LSM1: variants seen among roughly 807,000 people sequenced by gnomAD.
The protein encoded by LSM1 is LSM1 homolog, mRNA degradation associated, also known as U6 snRNA-associated Sm-like protein LSm1.
LSM1 carries 13 observed loss-of-function variants against 18.0 expected under a neutral mutation model. The ratio of observed to expected loss-of-function variants is 0.72; its 90% CI spans 0.47 to 1.15. The LOEUF (loss-of-function observed/expected upper bound fraction) is 1.15. Ranked by LOEUF, LSM1 falls within the 50% of genes most tolerant of loss-of-function variation. The pLI is 0.00. For missense variants in LSM1, 152 were observed against 157.7 expected, an observed-to-expected ratio of 0.96 and a Z score of 0.19; for synonymous variants, 46 against 56.0, an observed-to-expected ratio of 0.82 and a Z score of 0.80.
rs1214372083 is a variant in LSM1, at chr8:38,176,414, C to G, written c.-94G>C. The G allele has an allele frequency of 2.0e-6, 2 of 1,015,116 alleles. No homozygotes were observed. The highest frequency in any genetic ancestry group is 2.1e-5 in the Admixed American group (1 of 48,412). The allele number at this position is 1,015,116 out of a possible 1,614,324, so 62.9% of individuals were successfully genotyped here. ...ACCGCAGTCGCCGCCTCGGTGGGAC[C>G]AAGCCCGGAATCCCGACCGAGACCA... On this transcript the variant is annotated 5_prime_UTR_variant, in exon 1 of 4. Transcript: ENST00000311351.
intron 2 of LSM1, chr8:38,171,063 C>T (rs558854514): frequency 2.0e-4 from 83 of 406,574 alleles, no homozygotes; most frequent in South Asian, 2.8e-4. Flanking sequence ...ATGCAGGATG[C>T]GAAACAAAGA....
chr8:38,174,279 G>C (rs1803079672), intron 1 of LSM1, among the ~76,000 whole-genome samples: 1 of 152,056 alleles, frequency 6.6e-6, no homozygotes, highest in Non-Finnish European at 1.5e-5. Flanking sequence ...CAGGGGTTGG[G>C]GAGACAGAGG....
chr8:38,173,527 G>A (rs1749336748), intron 1 of LSM1, among the ~76,000 whole-genome samples: 2 of 152,174 alleles, frequency 1.3e-5, no homozygotes, highest in South Asian at 2.1e-4. Context: ...TGACTTCATA[G>A]GGAACAAGAA....
chr8:38,171,026 G>A (rs1315681004), intron 2 of LSM1: 2 of 430,374 alleles, frequency 4.6e-6, no homozygotes, highest in South Asian at 1.6e-5. Context: ...GAAACAGAAG[G>A]AAACATAATC....
chr8:38,168,017 A>C lies in LSM1; in HGVS notation c.231+1785T>G, dbSNP rs551833477. ...TGCTCTGTCGCCCAGGCTGGAGTGC[A>C]CTGGCACGATCTCGACTCACTGCAA... On this transcript the variant is annotated intron_variant, in intron 3 of 3. Transcript: ENST00000311351. 1.3e-3 allele frequency among the ~76,000 whole-genome samples: 199 copies of C among 150,674 alleles called. 1 individual carries two copies. Among genetic ancestry groups the C allele is most frequent in the African/African-American group, 4.6e-3 (188 of 40,970 alleles).
At chr8:38,171,317 T>C (rs1438366303) in intron 2 of LSM1, among the ~76,000 whole-genome samples, 1 of 152,104 alleles carries the variant, frequency 6.6e-6, no homozygotes, top group East Asian at 1.9e-4. Flanking sequence ...CTTCCAGCTG[T>C]CCCCACTGAT....
intron 3 of LSM1, among the ~76,000 whole-genome samples, chr8:38,169,429 A>G (rs941701987): frequency 6.6e-6 from 1 of 152,228 alleles, no homozygotes; most frequent in Non-Finnish European, 1.5e-5. Context: ...TAATATGGAT[A>G]TCACATTGTA....
chr8:38,165,284 C>T (rs926538708), intron 3 of LSM1, among the ~76,000 whole-genome samples: 1 of 151,830 alleles, frequency 6.6e-6, no homozygotes, highest in Non-Finnish European at 1.5e-5. Flanking sequence ...ACCTGGGAGG[C>T]GGAGGTTGCA....
At chr8:38,174,272 G>C (rs1563276135) in intron 1 of LSM1, among the ~76,000 whole-genome samples, 1 of 152,088 alleles carries the variant, frequency 6.6e-6, no homozygotes, top group Non-Finnish European at 1.5e-5. Context: ...AAGAACGCAG[G>C]GGTTGGGGAG....
At chr8:38,176,022 T>G (rs1031443441) in intron 1 of LSM1, 12 of 410,788 alleles carry the variant, frequency 2.9e-5, no homozygotes, top group African/African-American at 2.3e-4. Flanking sequence ...GAAGCAAGAA[T>G]GAGTTCCATC....
At chr8:38,167,243 T>G (rs1208142874) in intron 3 of LSM1, among the ~76,000 whole-genome samples, 1 of 152,254 alleles carries the variant, frequency 6.6e-6, no homozygotes, top group African/African-American at 2.4e-5. Context: ...CACCTCTTTC[T>G]CTGCACAAAC....
At chr8:38,176,610 A>G (rs150735540), upstream of LSM1, 498 of 565,252 alleles carry the variant, frequency 8.8e-4, 2 homozygotes, top group African/African-American at 8.6e-3. Flanking sequence ...ACTCCATTGG[A>G]TAAATGGCGA....
At chr8:38,166,300 T>C (rs1344756008) in intron 3 of LSM1, among the ~76,000 whole-genome samples, 1 of 152,164 alleles carries the variant, frequency 6.6e-6, no homozygotes, top group East Asian at 1.9e-4. Flanking sequence ...TTTTTCTTTT[T>C]GTAGAGATGG....
Position 38,176,365 on chromosome 8 carries a change from C to A in LSM1, c.-45G>T, listed in dbSNP as rs758874491. On this transcript the variant is annotated 5_prime_UTR_variant, in exon 1 of 4. Transcript: ENST00000311351. ...GCAATGCACAGCGGCGGGAGGCCAG[C>A]GCGTCCAAAACCTCTTCCCTCCTAC... The A allele has an allele frequency of 4.5e-6, 7 of 1,552,738 alleles. No individual in the cohort carries two copies. The highest frequency in any genetic ancestry group is 6.2e-6 in the Non-Finnish European group (7 of 1,132,756).
At chr8:38,164,239 G>C (rs1802890235) in intron 3 of LSM1, among the ~76,000 whole-genome samples, 1 of 152,104 alleles carries the variant, frequency 6.6e-6, no homozygotes, top group South Asian at 2.1e-4. Context: ...ATTTTAAGTA[G>C]AGACAGGGTT....
chr8:38,173,659 C>T (rs1412372646), intron 1 of LSM1, among the ~76,000 whole-genome samples: 1 of 151,958 alleles, frequency 6.6e-6, no homozygotes, highest in Non-Finnish European at 1.5e-5. Context: ...AACTATTTAC[C>T]AAGAGTTGGG....
intron 1 of LSM1, among the ~76,000 whole-genome samples, chr8:38,172,751 C>G (rs1585642379): frequency 6.6e-6 from 1 of 152,098 alleles, no homozygotes; most frequent in Non-Finnish European, 1.5e-5. Flanking sequence ...AGATGAGCTT[C>G]TATCTCACAT....
rs995816076 is a variant in LSM1, at chr8:38,176,409, G to A, written c.-89C>T. On this transcript the variant is annotated 5_prime_UTR_variant, in exon 1 of 4. Transcript: ENST00000311351. ...CTCCTACCGCAGTCGCCGCCTCGGT[G>A]GGACCAAGCCCGGAATCCCGACCGA... The A allele has an allele frequency of 1.9e-6, 2 of 1,072,950 alleles. No homozygotes were observed. The highest frequency in any genetic ancestry group is 4.0e-5 in the Admixed American group (2 of 49,760). The allele number at this position is 1,072,950 out of a possible 1,614,324, so 66.5% of individuals were successfully genotyped here. A position where few individuals can be genotyped will look rare whatever the true frequency, so the allele number is the denominator to read the frequency against.
At chr8:38,164,303 T>C (rs1295673563) in intron 3 of LSM1, among the ~76,000 whole-genome samples, 1 of 152,274 alleles carries the variant, frequency 6.6e-6, no homozygotes, top group African/African-American at 2.4e-5. Context: ...CTGCCTGCCT[T>C]GGCCTCTCAA....
Sources: gnomAD v4.1 joint callset for allele counts (sites outside exome capture counted in the v4.1 genomes callset) on GRCh38, gnomAD v4.1.1 for gene constraint, MANE v1.5 for transcripts, NCBI Gene and HGNC (gene_info 2026-07-23, HGNC 2026-07-21) for gene names.